SMARCA2: variants seen among roughly 807,000 people sequenced by gnomAD.
SMARCA2 encodes the protein SWI/SNF related BAF chromatin remodeling complex subunit ATPase 2.
Under a neutral mutation model 199.8 loss-of-function variants are expected in SMARCA2, and 61 were observed. That is an observed-to-expected ratio of 0.31 (90% CI 0.25 to 0.38). The LOEUF is 0.38. Among genes scored for constraint, SMARCA2 ranks in the 10% least tolerant of loss-of-function variants. The pLI, the probability that SMARCA2 is intolerant of heterozygous loss-of-function variation, is 1.00. For missense variants in SMARCA2, 1,344 were observed against 2,012.2 expected, an observed-to-expected ratio of 0.67 and a Z score of 6.35; for synonymous variants, 935 against 732.0, an observed-to-expected ratio of 1.28 and a Z score of -4.48.
At position 2,169,766 on chromosome 9, in the gene SMARCA2, C is replaced by A. The variant is rs1264881811; in HGVS notation, c.4200-653C>A. ...AAAAGGGACACCAACCTAGCAGTTT[C>A]AAAAATCCTCAACTGAAGAGGCTTT... On this transcript the variant is annotated intron_variant, in intron 28 of 33. Transcript: ENST00000349721. The surrounding 1 kb of genome is among the most constrained non-coding windows in gnomAD (Gnocchi z 6.5). 1.3e-5 allele frequency among the ~76,000 whole-genome samples: 2 copies of A among 152,132 alleles called. No homozygotes were observed. Among genetic ancestry groups the A allele is most frequent in the Non-Finnish European group, 2.9e-5 (2 of 68,012 alleles).
At chr9:2,175,792 T>C (rs1030105692) in intron 29 of SMARCA2, among the ~76,000 whole-genome samples, 1 of 152,176 alleles carries the variant, frequency 6.6e-6, no homozygotes, top group Non-Finnish European at 1.5e-5. Flanking sequence ...TTCTGGTCGT[T>C]TTTCAATGCC....
chr9:2,187,711 T>C (rs1417764044), intron 32 of SMARCA2, among the ~76,000 whole-genome samples: 1 of 151,950 alleles, frequency 6.6e-6, no homozygotes, highest in African/African-American at 2.4e-5. Flanking sequence ...ATAAATATTT[T>C]AAAACATAAA....
rs1818405737 is a variant in SMARCA2 at position 2,017,445 on chromosome 9, G to C, written c.-37+2041G>C. On this transcript the variant is annotated intron_variant, in intron 1 of 33. Coordinates refer to ENST00000349721, the MANE Select transcript of SMARCA2 (RefSeq NM_003070.5). This position sits in a 1 kb window ranked among gnomAD's most constrained non-coding sequence, Gnocchi z 8.8. ...AGGAGCCAGTGCGTCGGGAGCAGCGGCTCGGGCAGCTGCTCCTGCCCGCAC... is the reference window on the plus strand; with the variant it reads ...AGGAGCCAGTGCGTCGGGAGCAGCGCCTCGGGCAGCTGCTCCTGCCCGCAC... 1 of 151,986 alleles carries C rather than the reference G, an allele frequency of 6.6e-6. No homozygotes were observed. The highest frequency in any genetic ancestry group is 1.5e-5 in the Non-Finnish European group (1 of 68,078). The allele number at this position is 151,986 out of a possible 1,614,324, so 9.4% of individuals were successfully genotyped here. A position where few individuals can be genotyped will look rare whatever the true frequency, so the allele number is the denominator to read the frequency against.
rs979453502 is a variant in SMARCA2 at position 2,116,210 on chromosome 9, G to C, written c.3684+161G>C. Among the ~76,000 whole-genome samples, 6 of 152,238 alleles carry C rather than the reference G, an allele frequency of 3.9e-5. No homozygotes were observed. In the South Asian group the frequency reaches 1.2e-3, roughly 32 times the overall value. On this transcript the variant is annotated intron_variant, in intron 25 of 33. Transcript: ENST00000349721. ...TCCCAACCACAGAAAGCCTGTGAAA[G>C]TTATCCAAAATGAGTGTCTTAAGAG... is the stretch of plus-strand genomic sequence containing the variant.
At chr9:2,076,661 A>C (rs954500406) in intron 13 of SMARCA2, among the ~76,000 whole-genome samples, 1 of 152,000 alleles carries the variant, frequency 6.6e-6, no homozygotes, top group African/African-American at 2.4e-5. Context: ...TGAACTAATG[A>C]AACTTATCTC....
intron 12 of SMARCA2, among the ~76,000 whole-genome samples, chr9:2,075,718 T>C (rs1821294719): frequency 6.6e-6 from 1 of 152,092 alleles, no homozygotes; most frequent in African/African-American, 2.4e-5. Flanking sequence ...AGTGCAGTGG[T>C]GTGATCTTGG....
chr9:2,093,055 G>A (rs1325842875), intron 19 of SMARCA2, among the ~76,000 whole-genome samples: 1 of 152,136 alleles, frequency 6.6e-6, no homozygotes, highest in Non-Finnish European at 1.5e-5. Flanking sequence ...ACGTTATACT[G>A]CACTCAGGCC....
intron 1 of SMARCA2, among the ~76,000 whole-genome samples, chr9:2,020,266 TC>T (rs553588155): frequency 1.4e-3 from 207 of 152,182 alleles, no homozygotes; most frequent in African/African-American, 4.5e-3. Flanking sequence ...TGTTTTTTTT[TC>T]CCCCTTAAAT....
At chr9:2,166,424 C>G (rs145495278) in intron 28 of SMARCA2, among the ~76,000 whole-genome samples, 69 of 152,198 alleles carry the variant, frequency 4.5e-4, no homozygotes, top group African/African-American at 1.5e-3. Context: ...ACCCCCACTC[C>G]CCACCCCAGA....
chr9:2,141,976 T>G (rs1824483457), intron 27 of SMARCA2, among the ~76,000 whole-genome samples: 1 of 152,112 alleles, frequency 6.6e-6, no homozygotes, highest in African/African-American at 2.4e-5. Context: ...GGGCAGGTGA[T>G]GAGACCTGCC....
At chr9:2,145,185 C>G (rs1167539007) in intron 27 of SMARCA2, among the ~76,000 whole-genome samples, 2 of 151,864 alleles carry the variant, frequency 1.3e-5, no homozygotes, top group African/African-American at 2.4e-5. Flanking sequence ...TGTAGTCTCT[C>G]TGAGCTACTT....
intron 27 of SMARCA2, chr9:2,158,697 G>C: frequency 2.7e-6 from 1 of 377,022 alleles, no homozygotes. Flanking sequence ...CTGAGTTTGA[G>C]TCAGTTGAGC....
rs776902743 is a variant in SMARCA2 at position 2,056,325 on chromosome 9, G to T, written c.1174-347G>T. Among the ~76,000 whole-genome samples, 3 of 151,958 alleles carry T rather than the reference G, an allele frequency of 2.0e-5. No homozygotes were observed. The highest frequency in any genetic ancestry group is 3.2e-3 in the Middle Eastern group (1 of 316). Reference sequence around the variant, plus strand: ...GTTAACATGACACTTAAAACAAAGCGGAAAATTTAAAAAGCTTATTTAGCT... The same window carrying T: ...GTTAACATGACACTTAAAACAAAGCTGAAAATTTAAAAAGCTTATTTAGCT... On this transcript the variant is annotated intron_variant, in intron 6 of 33. Coordinates refer to ENST00000349721, the MANE Select transcript of SMARCA2 (RefSeq NM_003070.5). This position sits in a 1 kb window ranked among gnomAD's most constrained non-coding sequence, Gnocchi z 4.0.
At chr9:2,177,676 C>A (rs1261116079) in intron 29 of SMARCA2, among the ~76,000 whole-genome samples, 1 of 152,108 alleles carries the variant, frequency 6.6e-6, no homozygotes, top group Non-Finnish European at 1.5e-5. Flanking sequence ...CCTCAGCCTC[C>A]CTAGTAGCCG....
chr9:2,164,609 C>G (rs981545702), intron 28 of SMARCA2, among the ~76,000 whole-genome samples: 26 of 152,256 alleles, frequency 1.7e-4, no homozygotes, highest in Admixed American at 4.6e-4. Flanking sequence ...CCTCTGAGCA[C>G]CAGAAAGAAA....
At chr9:2,186,687 G>A (rs544214775) in intron 32 of SMARCA2, among the ~76,000 whole-genome samples, 5 of 151,958 alleles carry the variant, frequency 3.3e-5, no homozygotes, top group Non-Finnish European at 5.9e-5. Flanking sequence ...CACCACGCCC[G>A]GCTAATTTTT....
chr9:2,087,225 G>A (rs747326931), intron 18 of SMARCA2, 154 bp downstream of exon 18: 2 of 878,980 alleles, frequency 2.3e-6, no homozygotes, highest in African/African-American at 1.7e-5. Flanking sequence ...ATGGTCTTGT[G>A]GTGGGGTTAT....
At chr9:2,147,022 A>G (rs1198876704) in intron 27 of SMARCA2, among the ~76,000 whole-genome samples, 1 of 152,262 alleles carries the variant, frequency 6.6e-6, no homozygotes, top group African/African-American at 2.4e-5. Flanking sequence ...CATAGCCCCT[A>G]TTCAAGATGG....
At chr9:2,071,676 T>A (rs571826305) in intron 10 of SMARCA2, among the ~76,000 whole-genome samples, 3 of 152,336 alleles carry the variant, frequency 2.0e-5, no homozygotes, top group African/African-American at 7.2e-5. Context: ...GTTCTTCTGT[T>A]CTCATTCAGC....
Sources: allele counts gnomAD v4.1 joint callset (sites outside exome capture counted in the v4.1 genomes callset), GRCh38; gene constraint gnomAD v4.1.1; non-coding constraint Gnocchi (gnomAD v3.1); transcripts MANE v1.5; gene names NCBI Gene and HGNC (gene_info 2026-07-23, HGNC 2026-07-21).